RIMS2: variants seen among roughly 807,000 people sequenced by gnomAD.
RIMS2 encodes regulating synaptic membrane exocytosis protein 2.
In RIMS2, 59 loss-of-function variants were observed where a neutral mutation model predicts 174.4. The observed-to-expected ratio is 0.34, with a 90% CI of 0.27 to 0.42. The LOEUF (loss-of-function observed/expected upper bound fraction) is 0.42, where lower values mean the gene tolerates loss of function less well. RIMS2 is among the 10% of genes least tolerant of loss of function. The pLI is 1.00. For synonymous variants in RIMS2, 606 were observed against 572.5 expected, an observed-to-expected ratio of 1.06 and a Z score of -0.84; for missense variants, 1,620 against 1,666.3, an observed-to-expected ratio of 0.97 and a Z score of 0.48.
intron 3 of RIMS2, among the ~76,000 whole-genome samples, chr8:103,789,236 T>G (rs999019993): frequency 3.3e-5 from 5 of 152,006 alleles, no homozygotes; most frequent in African/African-American, 7.3e-5. Context: ...GTCTTTTGTG[T>G]CGCTCTCGCT....
chr8:104,247,687 T>C (rs2099343964), intron 20 of RIMS2, among the ~76,000 whole-genome samples: 1 of 152,150 alleles, frequency 6.6e-6, no homozygotes, highest in Admixed American at 6.5e-5. Context: ...GGATTTTTTG[T>C]TTGTGTGTTT....
At chr8:103,775,185 T>C (rs1298922605) in intron 3 of RIMS2, among the ~76,000 whole-genome samples, 1 of 152,094 alleles carries the variant, frequency 6.6e-6, no homozygotes, top group East Asian at 1.9e-4. Context: ...GTAGTCTGCT[T>C]TCATGAAATC....
intron 1 of RIMS2, among the ~76,000 whole-genome samples, chr8:103,542,836 A>G (rs762990933): frequency 4.6e-5 from 7 of 152,196 alleles, no homozygotes; most frequent in Non-Finnish European, 7.4e-5. Context: ...CATGATAAAT[A>G]AACTTCTAAA....
At chr8:103,637,275 C>A (rs2096110252) in intron 1 of RIMS2, among the ~76,000 whole-genome samples, 3 of 152,134 alleles carry the variant, frequency 2.0e-5, no homozygotes, top group Admixed American at 2.0e-4. Flanking sequence ...GTCTGGAGTG[C>A]TTGGAGTCTC....
chr8:104,145,641 C>T (rs2098630068), intron 19 of RIMS2, among the ~76,000 whole-genome samples: 1 of 149,884 alleles, frequency 6.7e-6, no homozygotes, highest in African/African-American at 2.5e-5. Context: ...GCCTGACCAA[C>T]ATGGAGAAAC....
At chr8:103,894,874 T>C (rs1353370771) in intron 4 of RIMS2, among the ~76,000 whole-genome samples, 1 of 151,560 alleles carries the variant, frequency 6.6e-6, no homozygotes, top group Non-Finnish European at 1.5e-5. Flanking sequence ...AGTTTGCCAG[T>C]CCCTGGATTA....
rs182377575 is a variant in RIMS2 at position 103,773,648 on chromosome 8, T to C, written c.698+7111T>C. On this transcript the variant is annotated intron_variant, in intron 3 of 23. Transcript: ENST00000504942. ...GGAAGGCTGAGACAGGAGAATCACT[T>C]GAACCCAGGAGGTGGAGGTTGCGGT... 4.6e-5 allele frequency among the ~76,000 whole-genome samples: 7 copies of C among 152,196 alleles called. No individual in the cohort carries two copies. In the South Asian group the frequency reaches 1.2e-3, roughly 27 times the overall value.
At chr8:104,249,722 T>C (rs1310502126) in intron 22 of RIMS2, 134 bp downstream of exon 28, 1 of 588,906 alleles carries the variant, frequency 1.7e-6, no homozygotes, top group Admixed American at 2.9e-5. Context: ...ACTGGTCTGG[T>C]GCTGGAGTCA....
intron 2 of RIMS2, among the ~76,000 whole-genome samples, chr8:103,738,665 A>T (rs1414377536): frequency 6.6e-6 from 1 of 152,172 alleles, no homozygotes; most frequent in Non-Finnish European, 1.5e-5. Context: ...GAATCTACAA[A>T]GAACTCAAAC....
rs899494497 is a variant in RIMS2, at chr8:104,251,229, C to G, written c.3831+66C>G. 16 of 1,305,448 alleles carry G rather than the reference C, an allele frequency of 1.2e-5. No homozygotes were observed. The East Asian group carries it at 3.4e-4, about 28-fold the overall frequency. The allele number at this position is 1,305,448 out of a possible 1,614,324, so 80.9% of individuals were successfully genotyped here. On this transcript the variant is annotated intron_variant, in intron 23 of 23. Transcript: ENST00000504942. Reference sequence around the variant, plus strand: ...TTTCATGGGGTCAGACATTATACCCCAAATCTTTTCTGTTGTATTCTTTTA... The same window carrying G: ...TTTCATGGGGTCAGACATTATACCCGAAATCTTTTCTGTTGTATTCTTTTA...
At chr8:103,890,485 G>A (rs2099237245) in intron 4 of RIMS2, among the ~76,000 whole-genome samples, 2 of 151,968 alleles carry the variant, frequency 1.3e-5, no homozygotes, top group Admixed American at 1.3e-4. Flanking sequence ...TAAGGCAATT[G>A]TACTAAACAG....
chr8:104,161,532 A>T (rs994365955), intron 19 of RIMS2, among the ~76,000 whole-genome samples: 1 of 152,192 alleles, frequency 6.6e-6, no homozygotes, highest in African/African-American at 2.4e-5. Flanking sequence ...AATTAGAAAC[A>T]TTTTGTCAAT....
At chr8:103,776,455 A>G (rs1592126583) in intron 3 of RIMS2, among the ~76,000 whole-genome samples, 1 of 152,118 alleles carries the variant, frequency 6.6e-6, no homozygotes, top group Non-Finnish European at 1.5e-5. Flanking sequence ...ATAGAGGTTG[A>G]ACAGTCCTGT....
At chr8:104,002,276 C>G (rs557577887) in intron 17 of RIMS2, among the ~76,000 whole-genome samples, 1 of 151,978 alleles carries the variant, frequency 6.6e-6, no homozygotes, top group Admixed American at 6.6e-5. Flanking sequence ...TTTATTCTTG[C>G]TGTTAGCCTC....
chr8:103,813,497 C>T (rs1194294137), intron 3 of RIMS2, among the ~76,000 whole-genome samples: 1 of 151,898 alleles, frequency 6.6e-6, no homozygotes, highest in Non-Finnish European at 1.5e-5. Context: ...TGGTGTGCTG[C>T]ACCCATTAAC....
chr8:104,243,187 C>T (rs2099311374), intron 19 of RIMS2, among the ~76,000 whole-genome samples: 1 of 152,068 alleles, frequency 6.6e-6, no homozygotes. Flanking sequence ...AAAATATCAG[C>T]CTTAGATTGC....
intron 3 of RIMS2, among the ~76,000 whole-genome samples, chr8:103,771,824 T>C (rs948414931): frequency 2.0e-5 from 3 of 152,166 alleles, no homozygotes; most frequent in African/African-American, 4.8e-5. Context: ...TCCATTCATA[T>C]TATAATTCAT....
chr8:104,054,604 A>G, intron 19 of RIMS2, among the ~76,000 whole-genome samples: 1 of 152,148 alleles, frequency 6.6e-6, no homozygotes, highest in East Asian at 1.9e-4. Flanking sequence ...TTTTATCTTA[A>G]TTCATAACCC....
chr8:103,936,896 C>T (rs1004872823), intron 13 of RIMS2, among the ~76,000 whole-genome samples, 174 bp downstream of exon 15: 2 of 151,992 alleles, frequency 1.3e-5, no homozygotes, highest in African/African-American at 4.8e-5. Flanking sequence ...AAGATTGAGA[C>T]CATCCTGGCT....
Sources: allele counts gnomAD v4.1 joint callset (sites outside exome capture counted in the v4.1 genomes callset), GRCh38; gene constraint gnomAD v4.1.1; transcripts MANE v1.5; gene names NCBI Gene and HGNC (gene_info 2026-07-23, HGNC 2026-07-21).